ATRNL1: variants seen among roughly 807,000 people sequenced by gnomAD.
ATRNL1 encodes attractin like 1.
In ATRNL1, 95 loss-of-function variants were observed where a neutral mutation model predicts 182.7. The observed-to-expected ratio is 0.52, with a 90% CI of 0.44 to 0.62. The LOEUF is 0.62. ATRNL1 is among the 20% of genes least tolerant of loss of function. ATRNL1 has a pLI of 0.00. For synonymous variants in ATRNL1, 576 were observed against 568.3 expected, an observed-to-expected ratio of 1.01 and a Z score of -0.19; for missense variants, 1,471 against 1,679.5, an observed-to-expected ratio of 0.88 and a Z score of 2.17.
chr10:115,536,199 G>A (rs531743778), intron 25 of ATRNL1, among the ~76,000 whole-genome samples: 1 of 152,168 alleles, frequency 6.6e-6, no homozygotes, highest in Non-Finnish European at 1.5e-5. Flanking sequence ...GTTTGTCTGT[G>A]CCCTGCCCCC....
chr10:115,934,229 C>G (rs1195559042), intron 28 of ATRNL1, among the ~76,000 whole-genome samples: 4 of 152,176 alleles, frequency 2.6e-5, no homozygotes, highest in Non-Finnish European at 5.9e-5. Context: ...CAATCAGGAA[C>G]ACTTTACATA....
chr10:115,924,738 C>A (rs1451852261), intron 28 of ATRNL1, among the ~76,000 whole-genome samples: 1 of 152,196 alleles, frequency 6.6e-6, no homozygotes, highest in East Asian at 1.9e-4. Context: ...ACAGGGTCTT[C>A]TTTGATTCCA....
intron 9 of ATRNL1, among the ~76,000 whole-genome samples, chr10:115,232,065 C>A (rs782414600): frequency 2.0e-5 from 3 of 152,036 alleles, no homozygotes; most frequent in African/African-American, 4.8e-5. Context: ...CTATTATGAG[C>A]AATTGTAGCA....
At chr10:115,774,325 G>A (rs1019514566) in intron 27 of ATRNL1, among the ~76,000 whole-genome samples, 3 of 148,246 alleles carry the variant, frequency 2.0e-5, no homozygotes, top group African/African-American at 7.5e-5. Flanking sequence ...CTACTCAAGA[G>A]GCTGAGGCAG....
At chr10:115,364,325 G>GT (rs1170962826) in intron 19 of ATRNL1, among the ~76,000 whole-genome samples, 2 of 129,798 alleles carry the variant, frequency 1.5e-5, no homozygotes, top group African/African-American at 5.8e-5. Flanking sequence ...CTGTTTGTCT[G>GT]TTATTGGTGT....
At chr10:115,186,166 G>T (rs1554888704) in intron 8 of ATRNL1, among the ~76,000 whole-genome samples, 3 of 151,954 alleles carry the variant, frequency 2.0e-5, no homozygotes, top group African/African-American at 7.2e-5. Flanking sequence ...AATGGGCAAA[G>T]GATCTAAGTA....
At chr10:115,481,734 A>G (rs1554974231) in intron 24 of ATRNL1, among the ~76,000 whole-genome samples, 1 of 150,876 alleles carries the variant, frequency 6.6e-6, no homozygotes, top group African/African-American at 2.4e-5. Context: ...TCTTATATTT[A>G]TATCTCAGGA....
At chr10:115,766,833 G>A (rs1948868688) in intron 27 of ATRNL1, among the ~76,000 whole-genome samples, 2 of 152,090 alleles carry the variant, frequency 1.3e-5, no homozygotes, top group African/African-American at 4.8e-5. Context: ...AACTGGCCTT[G>A]ATTAATGAAC....
intron 18 of ATRNL1, among the ~76,000 whole-genome samples, chr10:115,316,036 A>C (rs1854285309): frequency 6.6e-6 from 1 of 152,128 alleles, no homozygotes; most frequent in Admixed American, 6.6e-5. Context: ...CAGAACGTGC[A>C]GGTTACATAA....
chr10:115,251,755 C>T (rs144733067), intron 10 of ATRNL1, among the ~76,000 whole-genome samples: 73 of 152,238 alleles, frequency 4.8e-4, no homozygotes, highest in South Asian at 3.5e-3. Flanking sequence ...ATGGCAGTTC[C>T]GGCATTTTGA....
chr10:115,779,308 A>G (rs1195957867), intron 27 of ATRNL1, among the ~76,000 whole-genome samples: 1 of 152,234 alleles, frequency 6.6e-6, no homozygotes, highest in African/African-American at 2.4e-5. Flanking sequence ...AACATTCTCA[A>G]TGTGATAGTG....
At chr10:115,152,045 A>C (rs1554880801) in intron 5 of ATRNL1, among the ~76,000 whole-genome samples, 2 of 152,102 alleles carry the variant, frequency 1.3e-5, no homozygotes, top group Admixed American at 1.3e-4. Context: ...ATTATTTCTG[A>C]GGGCTCTGCT....
At chr10:115,500,465 C>T (rs1220502848) in intron 24 of ATRNL1, among the ~76,000 whole-genome samples, 1 of 151,926 alleles carries the variant, frequency 6.6e-6, no homozygotes, top group Non-Finnish European at 1.5e-5. Context: ...TCCAGTTTCC[C>T]GTGTTTATTA....
chr10:115,417,965 A>G (rs1252061031), intron 20 of ATRNL1, among the ~76,000 whole-genome samples: 4 of 152,172 alleles, frequency 2.6e-5, no homozygotes, highest in Non-Finnish European at 5.9e-5. Flanking sequence ...AAACTAGACT[A>G]GGAAGACTGG....
intron 8 of ATRNL1, among the ~76,000 whole-genome samples, chr10:115,182,061 G>A (rs73376377): frequency 0.012 from 1,881 of 151,692 alleles, 31 homozygotes; most frequent in African/African-American, 0.042. Context: ...CTTAGATTCA[G>A]TGAGTGAACA....
At chr10:115,372,762 C>A (rs1412199994) in intron 19 of ATRNL1, among the ~76,000 whole-genome samples, 1 of 151,952 alleles carries the variant, frequency 6.6e-6, no homozygotes, top group African/African-American at 2.4e-5. Context: ...TCATGGTGTT[C>A]TGATTACTAT....
chr10:115,205,356 C>A (rs181182882), intron 8 of ATRNL1, among the ~76,000 whole-genome samples: 16 of 151,742 alleles, frequency 1.1e-4, no homozygotes, highest in African/African-American at 3.9e-4. Flanking sequence ...ATGTAATTAT[C>A]AATATGCTTG....
Position 115,301,861 on chromosome 10 carries a change from C to A in ATRNL1, c.2636C>A (p.Pro879Gln). ...ATTTGTTTATTTATTCCAGTTAGTC[C>A]AAATCAAAATGCGAGGCCGTGCAAA... is the stretch of plus-strand genomic sequence containing the variant. ...GLVCEKPVVS[P>Q]NQNARPCKKP... Residue 879 changes from proline to glutamine, a missense_variant, in exon 17 of 29, where the codon CCA becomes CAA. Pro to Gln is a moderately conservative substitution (Grantham distance 76). This residue lies in a region of ATRNL1 where 1,031 missense variants were observed against 1,156.0 expected (regional missense o/e 0.89). Coordinates refer to ENST00000355044, the MANE Select transcript of ATRNL1 (RefSeq NM_207303.4). 6.2e-7 allele frequency: 1 copy of A among 1,600,170 alleles called. No homozygotes were observed. Among genetic ancestry groups the A allele is most frequent in the Non-Finnish European group, 8.5e-7 (1 of 1,173,656 alleles).
intron 26 of ATRNL1, among the ~76,000 whole-genome samples, chr10:115,685,708 A>G (rs191495888): frequency 6.6e-6 from 1 of 152,014 alleles, no homozygotes; most frequent in African/African-American, 2.4e-5. Flanking sequence ...TAGATTGAAT[A>G]TTGTCATTGA....
Sources: allele counts gnomAD v4.1 joint callset (sites outside exome capture counted in the v4.1 genomes callset), GRCh38; gene constraint gnomAD v4.1.1; regional missense constraint gnomAD v4.1.1; transcripts MANE v1.5; gene names NCBI Gene and HGNC (gene_info 2026-07-23, HGNC 2026-07-21).